PRKAG2: variants seen among roughly 807,000 people sequenced by gnomAD.
The protein encoded by PRKAG2 is 5'-AMP-activated protein kinase subunit gamma-2.
In PRKAG2, 26 loss-of-function variants were observed where a neutral mutation model predicts 69.6. The ratio of observed to expected loss-of-function variants is 0.37; its 90% CI spans 0.27 to 0.52. The LOEUF (loss-of-function observed/expected upper bound fraction) is 0.52. Among genes scored for constraint, PRKAG2 ranks in the 20% least tolerant of loss-of-function variants. The pLI, the probability that PRKAG2 is intolerant of heterozygous loss-of-function variation, is 0.90. For synonymous variants in PRKAG2, 293 were observed against 285.0 expected, an observed-to-expected ratio of 1.03 and a Z score of -0.28; for missense variants, 557 against 740.0, an observed-to-expected ratio of 0.75 and a Z score of 2.87.
intron 14 of PRKAG2, 116 bp downstream of exon 14, chr7:151,563,962 C>A (rs1019427909): frequency 2.1e-6 from 3 of 1,431,740 alleles, no homozygotes; most frequent in Non-Finnish European, 2.9e-6. Context: ...ATCGACTGAA[C>A]CTGGAGGCTG....
At chr7:151,840,220 G>T (rs1054506942) in intron 1 of PRKAG2, among the ~76,000 whole-genome samples, 6 of 152,164 alleles carry the variant, frequency 3.9e-5, no homozygotes, top group African/African-American at 1.4e-4. Flanking sequence ...CATTTGAAAA[G>T]GTGCCTGGAC....
At chr7:151,600,807 G>A (rs1306757983) in intron 5 of PRKAG2, among the ~76,000 whole-genome samples, 2 of 152,064 alleles carry the variant, frequency 1.3e-5, no homozygotes, top group East Asian at 1.9e-4. Context: ...CAACCTCAAC[G>A]GACATCTTTT....
rs748041666 is a variant in PRKAG2 at position 151,781,243 on chromosome 7, C to T, written c.375G>A (p.Gly125=). 1 of 1,614,020 alleles carries T rather than the reference C, an allele frequency of 6.2e-7. No homozygotes were observed. The highest frequency in any genetic ancestry group is 1.7e-5 in the Admixed American group (1 of 60,020). ...ACTCTTTGGAGGAGGAGCGGAAGAT[C>T]CCACTGAAGCTCATGCGTCGAGGGG... ...PRSPRRMSFS[G]IFRSSSKESS... Residue 125 remains glycine (G), a synonymous_variant, in exon 3 of 16, where the codon GGG becomes GGA. Transcript: ENST00000287878. This position sits in a 1 kb window ranked among gnomAD's most constrained non-coding sequence, Gnocchi z 6.1.
intron 4 of PRKAG2, among the ~76,000 whole-genome samples, chr7:151,656,284 G>C (rs1829400790): frequency 6.6e-6 from 1 of 152,182 alleles, no homozygotes; most frequent in Non-Finnish European, 1.5e-5. Flanking sequence ...GCCGGGCATG[G>C]TGGCTTATGC....
In PRKAG2 at chr7:151,675,465, G is replaced by A. The variant is rs140001300; in HGVS notation, c.639C>T (p.Thr213=). 1,401 of 1,614,188 alleles carry A rather than the reference G, an allele frequency of 8.7e-4. 10 individuals carry two copies. The African/African-American group carries it at 0.016, about 18-fold the overall frequency. Reference sequence around the variant, plus strand: ...GTGTCGGTGATGCCAGTGGAGGCCTGGTCGGGCTCTGGAAGGAAGACGGGC... The same window carrying A: ...GTGTCGGTGATGCCAGTGGAGGCCTAGTCGGGCTCTGGAAGGAAGACGGGC... ...RFCPSSFQSP[T]RPPLASPTHY... is the part of the protein sequence containing the mutation. The change falls in exon 4 of 16, where the codon ACC becomes ACT. Residue 213 remains threonine, a synonymous_variant. Transcript: ENST00000287878.
intron 5 of PRKAG2, among the ~76,000 whole-genome samples, chr7:151,605,254 T>A (rs557399285): frequency 2.6e-5 from 4 of 151,658 alleles, no homozygotes; most frequent in Non-Finnish European, 5.9e-5. Context: ...TGACCTCAAG[T>A]GATCTGCCTG....
intron 1 of PRKAG2, among the ~76,000 whole-genome samples, chr7:151,829,985 T>G (rs1318126317): frequency 6.6e-6 from 1 of 151,846 alleles, no homozygotes; most frequent in Non-Finnish European, 1.5e-5. Flanking sequence ...TCATTAGTGA[T>G]GTCAGCTGGG....
chr7:151,719,285 TATC>T lies in PRKAG2; in HGVS notation c.467-43651_467-43649del, dbSNP rs373948573. Among the ~76,000 whole-genome samples, 136 of 152,150 alleles carry T rather than the reference TATC, an allele frequency of 8.9e-4. No homozygotes were observed. Among genetic ancestry groups the T allele is most frequent in the African/African-American group, 3.1e-3 (130 of 41,504 alleles). Reference sequence around the variant, plus strand: ...CGGCACGCTCAGCCCTGGTCCAACTTATCATACAAGTTCTTGGGCAAGTGGGAC... The same window carrying T: ...CGGCACGCTCAGCCCTGGTCCAACTTATACAAGTTCTTGGGCAAGTGGGAC... On this transcript the variant is annotated intron_variant, in intron 3 of 15. Transcript: ENST00000287878. This position sits in a 1 kb window ranked among gnomAD's most constrained non-coding sequence, Gnocchi z 5.2.
chr7:151,751,349 C>T (rs2074672175), intron 3 of PRKAG2, among the ~76,000 whole-genome samples: 1 of 151,738 alleles, frequency 6.6e-6, no homozygotes, highest in Non-Finnish European at 1.5e-5. Context: ...CTCCTGACCT[C>T]GTGATCTGCC....
intron 3 of PRKAG2, among the ~76,000 whole-genome samples, chr7:151,676,255 A>C (rs1039127966): frequency 4.0e-4 from 1 of 2,482 alleles, no homozygotes. Flanking sequence ...GGGGAGGGGG[A>C]GGGGACGGGA....
intron 2 of PRKAG2, among the ~76,000 whole-genome samples, chr7:151,784,175 C>T (rs569135671): frequency 1.3e-5 from 2 of 152,038 alleles, no homozygotes; most frequent in African/African-American, 2.4e-5. Context: ...ACAGCAGCCT[C>T]GAGGGTGTGA....
chr7:151,584,027 G>A (rs1020180487), intron 6 of PRKAG2, among the ~76,000 whole-genome samples: 3 of 152,102 alleles, frequency 2.0e-5, no homozygotes, highest in Admixed American at 1.3e-4. Flanking sequence ...TAAAATTAAC[G>A]CTGATATCTA....
chr7:151,731,522 C>CTGTGTGTG (rs113764475), intron 3 of PRKAG2, among the ~76,000 whole-genome samples: 3,108 of 107,750 alleles, frequency 0.029, 106 homozygotes, highest in African/African-American at 0.085. Context: ...GGGGAGAGCT[C>CTGTGTGTG]TGTGTGTGTG....
At chr7:151,854,285 CCA>C (rs1176560367) in intron 1 of PRKAG2, among the ~76,000 whole-genome samples, 4 of 152,278 alleles carry the variant, frequency 2.6e-5, no homozygotes, top group Non-Finnish European at 5.9e-5. Context: ...TCCCTTCCCC[CCA>C]CACACATGCA....
intron 4 of PRKAG2, among the ~76,000 whole-genome samples, chr7:151,674,512 C>A (rs577609177): frequency 3.9e-5 from 6 of 152,266 alleles, no homozygotes; most frequent in East Asian, 1.9e-4. Flanking sequence ...TGGGTACCTG[C>A]GGTAATTAAA....
chr7:151,595,419 A>G lies in PRKAG2; in HGVS notation c.790T>C (p.Phe264Leu). Reference protein sequence around the residue: ...EDSESGVYMRFMRSHKCYDIV... With the variant: ...EDSESGVYMRLMRSHKCYDIV... ...TCATAACACTTGTGTGACCTCATGA[A>G]TCGCATGTAAACACCACTTTCTGAG... The change falls in exon 6 of 16, where the codon TTC becomes CTC. Residue 264 changes from phenylalanine to leucine, a missense_variant. By Grantham distance (22) the Phe-to-Leu change is conservative (BLOSUM62 0). Around this residue, in one of 2 missense-constraint regions of PRKAG2, gnomAD observed 205 missense variants for 383.4 expected, o/e 0.53. Transcript: ENST00000287878. 6.2e-7 allele frequency: 1 copy of G among 1,614,120 alleles called. No individual in the cohort carries two copies. Among genetic ancestry groups the G allele is most frequent in the South Asian group, 1.1e-5 (1 of 91,088 alleles).
At chr7:151,813,897 C>A (rs563550447) in intron 1 of PRKAG2, among the ~76,000 whole-genome samples, 1 of 152,330 alleles carries the variant, frequency 6.6e-6, no homozygotes, top group African/African-American at 2.4e-5. Context: ...TGTGGGCCAT[C>A]CCCAAAGCCC....
intron 3 of PRKAG2, among the ~76,000 whole-genome samples, chr7:151,761,639 T>C (rs1024416351): frequency 3.3e-5 from 5 of 152,206 alleles, no homozygotes; most frequent in Non-Finnish European, 7.3e-5. Context: ...GTAGACTGAC[T>C]TGATTTGATA....
At chr7:151,812,765 G>T (rs1438771886) in intron 1 of PRKAG2, among the ~76,000 whole-genome samples, 2 of 152,186 alleles carry the variant, frequency 1.3e-5, no homozygotes, top group African/African-American at 4.8e-5. Context: ...CAAAAGAACA[G>T]GCTGGACCGC....
Sources: gnomAD v4.1 joint callset for allele counts (sites outside exome capture counted in the v4.1 genomes callset) on GRCh38, gnomAD v4.1.1 for gene constraint, gnomAD v4.1.1 regional missense constraint, Gnocchi (gnomAD v3.1) non-coding constraint, MANE v1.5 for transcripts, NCBI Gene and HGNC (gene_info 2026-07-23, HGNC 2026-07-21) for gene names.